SLC66A3: variants seen among roughly 807,000 people sequenced by gnomAD.
SLC66A3 encodes PQ loop repeat containing 3.
Under a neutral mutation model 25.5 loss-of-function variants are expected in SLC66A3, and 23 were observed. The observed-to-expected ratio is 0.90, with a 90% CI of 0.65 to 1.28. The LOEUF is 1.28. Among genes scored for constraint, SLC66A3 ranks in the 50% most tolerant of loss-of-function variants. The pLI is 0.00. For synonymous variants in SLC66A3, 108 were observed against 112.6 expected, an observed-to-expected ratio of 0.96 and a Z score of 0.26; for missense variants, 246 against 262.1, an observed-to-expected ratio of 0.94 and a Z score of 0.42.
intron 1 of SLC66A3, among the ~76,000 whole-genome samples, chr2:11,157,047 A>G (rs982113892): frequency 3.3e-5 from 5 of 152,162 alleles, no homozygotes; most frequent in African/African-American, 1.2e-4. Context: ...ATGAAGGAAA[A>G]GAAGCCAGGC....
chr2:11,162,645 C>T (rs891311817), intron 3 of SLC66A3, among the ~76,000 whole-genome samples: 5 of 152,148 alleles, frequency 3.3e-5, no homozygotes, highest in Admixed American at 2.6e-4. Context: ...CACACTCTGT[C>T]GCCCAGGCTG....
intron 3 of SLC66A3, 40 bp downstream of exon 3, chr2:11,160,734 T>C: frequency 6.2e-7 from 1 of 1,612,504 alleles, no homozygotes; most frequent in East Asian, 2.2e-5. Flanking sequence ...GGAACGGGGA[T>C]GTTATTTGTG....
At chr2:11,177,229 G>A (rs1662786693) in intron 6 of SLC66A3, among the ~76,000 whole-genome samples, 1 of 152,148 alleles carries the variant, frequency 6.6e-6, no homozygotes, top group African/African-American at 2.4e-5. Context: ...GGAGGCCAAG[G>A]TGGGCAGATT....
rs1342015117 is a variant in SLC66A3 at position 11,178,780 on chromosome 2, A to ATTG, written c.*955_*957dup. On this transcript the variant is annotated 3_prime_UTR_variant, in exon 7 of 7. Transcript: ENST00000295083. ...TCACTTTCCCCCTTTAATTGAAGGCATTGTTTTGTTAGATGCAGTAATGAT... is the reference window on the plus strand; with the variant it reads ...TCACTTTCCCCCTTTAATTGAAGGCATTGTTGTTTTGTTAGATGCAGTAATGAT... The ATTG allele has an allele frequency of 6.6e-6, 1 of 152,176 alleles. No individual in the cohort carries two copies. The highest frequency in any genetic ancestry group is 1.5e-5 in the Non-Finnish European group (1 of 68,014). 9.4% of individuals were successfully genotyped at this position (152,176 alleles called of 1,614,324 possible).
chr2:11,174,946 T>A (rs770032787), intron 5 of SLC66A3, 22 bp from the exon 6 acceptor site: 1 of 1,603,526 alleles, frequency 6.2e-7, no homozygotes, highest in South Asian at 1.1e-5. Context: ...AGTTACTTAT[T>A]GCTGCAAGTT....
intron 4 of SLC66A3, among the ~76,000 whole-genome samples, chr2:11,171,441 C>CATAA (rs571109865): frequency 4.6e-5 from 7 of 151,994 alleles, no homozygotes; most frequent in Non-Finnish European, 8.8e-5. Flanking sequence ...GTGAGACTGT[C>CATAA]ATAAATAAAT....
intron 1 of SLC66A3, among the ~76,000 whole-genome samples, chr2:11,158,398 C>T (rs1268881942): frequency 6.6e-6 from 1 of 152,132 alleles, no homozygotes; most frequent in Non-Finnish European, 1.5e-5. Context: ...TGCAGTGGCT[C>T]ACACCTGTAA....
At chr2:11,171,262 G>A (rs202208249) in intron 4 of SLC66A3, among the ~76,000 whole-genome samples, 1 of 152,102 alleles carries the variant, frequency 6.6e-6, no homozygotes, top group Non-Finnish European at 1.5e-5. Flanking sequence ...AGGTTGCAGT[G>A]AGCCAAGATT....
intron 3 of SLC66A3, 126 bp downstream of exon 3, chr2:11,160,820 AATC>A (rs1662098773): frequency 6.8e-6 from 6 of 878,070 alleles, no homozygotes; most frequent in East Asian, 3.6e-5. Flanking sequence ...AAAAAAAAAA[AATC>A]CCAAATGCAA....
intron 4 of SLC66A3, 84 bp downstream of exon 4, chr2:11,164,345 A>ATATATATTTTTGTTTTTTTTTTTTTT: frequency 1.1e-5 from 1 of 90,894 alleles, no homozygotes; most frequent in African/African-American, 4.6e-5. Context: ...ATATATATAT[A>ATATATATTTTTGTTTTTTTTTTTTTT]TTTTTTTTTT....
chr2:11,177,585 A>G (rs966717683), intron 6 of SLC66A3, 152 bp from the exon 7 acceptor site: 5 of 565,868 alleles, frequency 8.8e-6, no homozygotes, highest in African/African-American at 3.8e-5. Flanking sequence ...TTGTCATGAT[A>G]GGGAGATCAT....
chr2:11,173,488 C>A (rs1258222643), intron 5 of SLC66A3, among the ~76,000 whole-genome samples: 1 of 152,154 alleles, frequency 6.6e-6, no homozygotes, highest in Non-Finnish European at 1.5e-5. Flanking sequence ...TGATTGAATT[C>A]TTTTATTTAA....
chr2:11,174,932 G>C, intron 5 of SLC66A3, 36 bp from the exon 6 acceptor site: 1 of 1,568,232 alleles, frequency 6.4e-7, no homozygotes, highest in Non-Finnish European at 8.7e-7. Context: ...ATGTCCGAGA[G>C]GCAAGTTACT....
Position 11,177,888 on chromosome 2 carries a change from C to A in SLC66A3, c.*60C>A. 2 of 1,021,604 alleles carry A rather than the reference C, an allele frequency of 2.0e-6. No homozygotes were observed. Among genetic ancestry groups the A allele is most frequent in the Non-Finnish European group, 3.0e-6 (2 of 676,000 alleles). The allele number at this position is 1,021,604 out of a possible 1,614,324, so 63.3% of individuals were successfully genotyped here. On this transcript the variant is annotated 3_prime_UTR_variant, in exon 7 of 7. Coordinates refer to ENST00000295083, the MANE Select transcript of SLC66A3 (RefSeq NM_152391.5). ...GTAACTGAACCAAAGGAAAAAGAAG[C>A]TCTTTGCTAAATTAAGGTCTTTTAT...
intron 1 of SLC66A3, among the ~76,000 whole-genome samples, chr2:11,159,157 C>G (rs369230404): frequency 6.6e-6 from 1 of 152,252 alleles, no homozygotes; most frequent in Admixed American, 6.5e-5. Flanking sequence ...CACACACTTA[C>G]TTCGATGGTG....
chr2:11,155,826 A>G lies in SLC66A3; in HGVS notation c.143+137A>G, dbSNP rs987408619. 1.6e-5 allele frequency: 13 copies of G among 794,454 alleles called. No individual in the cohort carries two copies. In the East Asian group the frequency reaches 4.4e-4, roughly 27 times the overall value. The allele number at this position is 794,454 out of a possible 1,614,324, so 49.2% of individuals were successfully genotyped here. ...CGTCGCAGCTGGGCGGCCGAGGGTG[A>G]ACTAGGGAGCCTAGGGGCTCGGGGT... is the stretch of plus-strand genomic sequence containing the variant. On this transcript the variant is annotated intron_variant, in intron 1 of 6. Transcript: ENST00000295083.
chr2:11,175,770 C>T (rs1250227653), intron 6 of SLC66A3, among the ~76,000 whole-genome samples: 1 of 152,156 alleles, frequency 6.6e-6, no homozygotes, highest in African/African-American at 2.4e-5. Context: ...TTTCAACTCC[C>T]AAATCAAGCA....
chr2:11,158,131 G>A (rs887821925), intron 1 of SLC66A3, among the ~76,000 whole-genome samples: 4 of 152,214 alleles, frequency 2.6e-5, no homozygotes, highest in African/African-American at 9.6e-5. Context: ...TGGCTGCATG[G>A]AGCAGATGGG....
chr2:11,161,721 AT>A (rs1662137246), intron 3 of SLC66A3, among the ~76,000 whole-genome samples: 1 of 152,132 alleles, frequency 6.6e-6, no homozygotes, highest in East Asian at 1.9e-4. Flanking sequence ...GGGTCCTGGT[AT>A]GTTACCCAGA....
Sources: gnomAD v4.1 joint callset for allele counts (sites outside exome capture counted in the v4.1 genomes callset) on GRCh38, gnomAD v4.1.1 for gene constraint, MANE v1.5 for transcripts, NCBI Gene and HGNC (gene_info 2026-07-23, HGNC 2026-07-21) for gene names.